The following PRKAA1 variants were observed in gnomAD, a reference collection of about 807,000 sequenced individuals.
PRKAA1 encodes the protein 5'-AMP-activated protein kinase catalytic subunit alpha-1.
In PRKAA1, 23 loss-of-function variants were observed where a neutral mutation model predicts 56.9. The ratio of observed to expected loss-of-function variants is 0.40; its 90% CI spans 0.29 to 0.57. The LOEUF is 0.57. Among genes scored for constraint, PRKAA1 ranks in the 20% least tolerant of loss-of-function variants. The probability of loss-of-function intolerance (pLI) is 0.39; values close to 1 mark genes in which losing one functional copy is unlikely to be tolerated. For missense variants in PRKAA1, 413 were observed against 679.7 expected (o/e 0.61, Z 4.36); for synonymous variants, 226 against 227.0 (o/e 1.00, Z 0.04).
intron 1 of PRKAA1, among the ~76,000 whole-genome samples, chr5:40,792,412 T>A (rs1199086528): frequency 6.6e-6 from 1 of 152,212 alleles, no homozygotes; most frequent in Non-Finnish European, 1.5e-5. Flanking sequence ...GAATAACCCA[T>A]TATTTCATAC....
chr5:40,763,237 G>A (rs1181790490), intron 8 of PRKAA1, among the ~76,000 whole-genome samples: 1 of 152,014 alleles, frequency 6.6e-6, no homozygotes, highest in Non-Finnish European at 1.5e-5. Context: ...CCAAAGTTGG[G>A]TACAGTATAG....
intron 6 of PRKAA1, among the ~76,000 whole-genome samples, chr5:40,766,401 A>T (rs79828393): frequency 1.6e-4 from 25 of 151,826 alleles, no homozygotes; most frequent in Non-Finnish European, 3.2e-4. Flanking sequence ...CACAGGGGGG[A>T]AAAAAAAGAA....
intron 1 of PRKAA1, among the ~76,000 whole-genome samples, chr5:40,789,394 C>G (rs1744625026): frequency 6.6e-6 from 1 of 152,124 alleles, no homozygotes; most frequent in Non-Finnish European, 1.5e-5. Context: ...AGAAATGGAA[C>G]ACTTATACAC....
chr5:40,775,888 C>CA (rs1743980507), intron 2 of PRKAA1, among the ~76,000 whole-genome samples: 2 of 151,894 alleles, frequency 1.3e-5, no homozygotes, highest in Non-Finnish European at 2.9e-5. Context: ...CAAAGGTCCC[C>CA]AAGTAGAAGC....
chr5:40,797,978 G>C (rs1312143143), intron 1 of PRKAA1, 85 bp downstream of exon 1: 3 of 1,544,980 alleles, frequency 1.9e-6, no homozygotes, highest in Non-Finnish European at 2.6e-6. Flanking sequence ...GGGACGCAGC[G>C]GGCGGGGGAG....
At chr5:40,769,583 T>C in intron 4 of PRKAA1, 80 bp from the exon 5 acceptor site, 2 of 1,159,776 alleles carry the variant, frequency 1.7e-6, no homozygotes, top group Non-Finnish European at 2.5e-6. Flanking sequence ...AAAATTGAGT[T>C]TGCATTAAAA....
chr5:40,774,909 C>A, intron 3 of PRKAA1: 2 of 1,571,398 alleles, frequency 1.3e-6, no homozygotes, highest in Non-Finnish European at 1.7e-6. Flanking sequence ...GCTGTAAATT[C>A]TTTATATCTA....
At chr5:40,764,674 G>A (rs2111978722) in intron 7 of PRKAA1, 34 bp from the exon 8 acceptor site, 4 of 1,605,804 alleles carry the variant, frequency 2.5e-6, no homozygotes, top group Non-Finnish European at 3.4e-6. Context: ...CAAGTCAAAA[G>A]TAATTCTTCT....
rs2111992883 is a variant in PRKAA1 at position 40,767,574 on chromosome 5, C to T, written c.713G>A (p.Cys238Tyr). ...DHVPTLFKKI[C>Y]DGIFYTPQYL... ...TTGAGGGGTATAGAAGATCCCATCA[C>T]ATATCTTCTTAAAAAGAGTTGGCAC... is the stretch of plus-strand genomic sequence containing the variant. The change falls in exon 6 of 9, where the codon TGT (cysteine) becomes TAT (tyrosine). Residue 238 changes from cysteine to tyrosine, a missense_variant. This residue lies in a region of PRKAA1 where 113 missense variants were observed against 198.6 expected (regional missense o/e 0.57). Transcript: ENST00000397128. 6.2e-7 allele frequency: 1 copy of T among 1,612,632 alleles called. No homozygotes were observed. The highest frequency in any genetic ancestry group is 8.5e-7 in the Non-Finnish European group (1 of 1,178,776).
intron 8 of PRKAA1, among the ~76,000 whole-genome samples, chr5:40,763,994 C>T (rs1743307905): frequency 6.6e-6 from 1 of 152,142 alleles, no homozygotes; most frequent in African/African-American, 2.4e-5. Flanking sequence ...AGGCTGGTCT[C>T]AAATTCCTGG....
At chr5:40,779,229 C>T (rs1382912558) in intron 1 of PRKAA1, among the ~76,000 whole-genome samples, 2 of 151,856 alleles carry the variant, frequency 1.3e-5, no homozygotes, top group Admixed American at 1.3e-4. Context: ...TCCCAAAAGA[C>T]ACAATCCCAA....
Position 40,759,576 on chromosome 5 carries a change from T to C in PRKAA1, c.*3202A>G, listed in dbSNP as rs747397692. On this transcript the variant is annotated 3_prime_UTR_variant, in exon 9 of 9. Coordinates refer to ENST00000397128, the MANE Select transcript of PRKAA1 (RefSeq NM_006251.6). Reference sequence around the variant, plus strand: ...CTCACAATGGAAATAAAATTTCTATTATGGGTGAGAAGATGAGGGAAAGAA... The same window carrying C: ...CTCACAATGGAAATAAAATTTCTATCATGGGTGAGAAGATGAGGGAAAGAA... 6.6e-6 allele frequency: 1 copy of C among 152,304 alleles called. No homozygotes were observed. Among genetic ancestry groups the C allele is most frequent in the Non-Finnish European group, 1.5e-5 (1 of 68,036 alleles). The allele number at this position is 152,304 out of a possible 1,614,324, so 9.4% of individuals were successfully genotyped here.
At chr5:40,783,374 A>G (rs1744341730) in intron 1 of PRKAA1, among the ~76,000 whole-genome samples, 1 of 152,058 alleles carries the variant, frequency 6.6e-6, no homozygotes, top group African/African-American at 2.4e-5. Flanking sequence ...AAAAAATCAT[A>G]TAAAAATGTT....
At chr5:40,777,365 T>C in intron 2 of PRKAA1, 80 bp downstream of exon 2, 1 of 1,442,698 alleles carries the variant, frequency 6.9e-7, no homozygotes, top group Non-Finnish European at 9.5e-7. Context: ...GTCAGTCATT[T>C]TTCTCACTTG....
At chr5:40,768,528 A>G in intron 5 of PRKAA1, 3 of 967,690 alleles carry the variant, frequency 3.1e-6, no homozygotes, top group South Asian at 9.6e-5. Flanking sequence ...CATTAAGTTA[A>G]TATTTAAAAA....
intron 4 of PRKAA1, 83 bp from the exon 5 acceptor site, chr5:40,769,586 C>T (rs1296581300): frequency 8.1e-6 from 9 of 1,105,330 alleles, no homozygotes; most frequent in African/African-American, 1.6e-5. Context: ...ATTGAGTTTG[C>T]ATTAAAATGA....
chr5:40,783,834 T>G (rs192893460), intron 1 of PRKAA1, among the ~76,000 whole-genome samples: 51 of 152,192 alleles, frequency 3.4e-4, no homozygotes, highest in African/African-American at 7.7e-4. Context: ...GGAAGTAGAG[T>G]TGAATAGGGT....
At chr5:40,777,346 A>C (rs1349088453) in intron 2 of PRKAA1, 99 bp downstream of exon 2, 5 of 1,355,774 alleles carry the variant, frequency 3.7e-6, no homozygotes, top group Non-Finnish European at 4.1e-6. Context: ...TTAGGAAACA[A>C]AAAGAAGTGT....
Position 40,774,790 on chromosome 5 carries a change from G to A in PRKAA1, c.363+620C>T, listed in dbSNP as rs1043366813. ...ACAGCTCTCCCACAAAGGGGCTTTT[G>A]CATACCACATAACCTGGGTATGAGA... On this transcript the variant is annotated intron_variant, in intron 3 of 8. Transcript: ENST00000397128. 2.0e-5 allele frequency: 12 copies of A among 611,168 alleles called. No individual in the cohort carries two copies. Among genetic ancestry groups the A allele is most frequent in the Non-Finnish European group, 3.1e-5 (11 of 357,374 alleles). The allele number at this position is 611,168 out of a possible 1,614,324, so 37.9% of individuals were successfully genotyped here.
Sources: gnomAD v4.1 joint callset for allele counts (sites outside exome capture counted in the v4.1 genomes callset) on GRCh38, gnomAD v4.1.1 for gene constraint, gnomAD v4.1.1 regional missense constraint, MANE v1.5 for transcripts, NCBI Gene and HGNC (gene_info 2026-07-23, HGNC 2026-07-21) for gene names.